FNDC1: variants seen among roughly 807,000 people sequenced by gnomAD.
FNDC1 encodes fibronectin type III domain-containing protein 1.
In FNDC1, 96 loss-of-function variants were observed where a neutral mutation model predicts 168.0. That is an observed-to-expected ratio of 0.57 (90% CI 0.48 to 0.68). The LOEUF (loss-of-function observed/expected upper bound fraction) is 0.68. Ranked by LOEUF, FNDC1 falls within the 30% of genes least tolerant of loss-of-function variation. The pLI is 0.00. For synonymous variants in FNDC1, 1,099 were observed against 1,025.9 expected, an observed-to-expected ratio of 1.07 and a Z score of -1.36; for missense variants, 2,587 against 2,482.1, an observed-to-expected ratio of 1.04 and a Z score of -0.90.
intron 12 of FNDC1, among the ~76,000 whole-genome samples, chr6:159,237,360 C>T (rs1196958923): frequency 4.6e-5 from 7 of 152,110 alleles, no homozygotes; most frequent in African/African-American, 7.2e-5. Flanking sequence ...ATACAAGTCT[C>T]GGGTAGGGCT....
intron 16 of FNDC1, among the ~76,000 whole-genome samples, chr6:159,250,899 A>G (rs944973088): frequency 5.9e-5 from 9 of 152,210 alleles, no homozygotes; most frequent in Non-Finnish European, 1.0e-4. Flanking sequence ...CCTGGTCCCA[A>G]GATAGTCAAG....
At chr6:159,205,564 A>C (rs1468171901) in intron 4 of FNDC1, among the ~76,000 whole-genome samples, 4 of 152,318 alleles carry the variant, frequency 2.6e-5, no homozygotes, top group Non-Finnish European at 4.4e-5. Context: ...AGCCATCAGC[A>C]ACTCCTGTCT....
chr6:159,185,790 C>A (rs1402486145), intron 1 of FNDC1, among the ~76,000 whole-genome samples: 1 of 152,178 alleles, frequency 6.6e-6, no homozygotes, highest in Non-Finnish European at 1.5e-5. Flanking sequence ...ATCATATGGC[C>A]ATCCTAGCTG....
chr6:159,226,721 T>C, intron 9 of FNDC1, 141 bp downstream of exon 9: 1 of 587,258 alleles, frequency 1.7e-6, no homozygotes. Flanking sequence ...GGATATTTCA[T>C]GCAAGATTTT....
intron 4 of FNDC1, among the ~76,000 whole-genome samples, chr6:159,203,016 G>T (rs1449960985): frequency 6.6e-6 from 1 of 152,148 alleles, no homozygotes. Flanking sequence ...CTTGTAGATG[G>T]TCACCTTTTT....
At chr6:159,228,252 A>C (rs1782997618) in intron 9 of FNDC1, among the ~76,000 whole-genome samples, 1 of 152,236 alleles carries the variant, frequency 6.6e-6, no homozygotes, top group Non-Finnish European at 1.5e-5. Flanking sequence ...GAACTCGCGT[A>C]TCTTAAGCCT....
In FNDC1 at chr6:159,234,435, G is replaced by A. The variant is rs565903076; in HGVS notation, c.3923G>A (p.Arg1308His). Residue 1308 changes from arginine to histidine, a missense_variant, in exon 11 of 23, where the codon CGT becomes CAT. By Grantham distance (29) the Arg-to-His change is conservative. Transcript: ENST00000297267. ...LRQRMMHARF[R>H]NPLSRQPARP... The stretch of plus-strand genomic sequence containing the variant: ...CAGAGGATGATGCATGCCAGATTCC[G>A]TAACCCTCTCTCCCGACAGCCTGCC... 58 of 1,613,588 alleles carry A rather than the reference G, an allele frequency of 3.6e-5. No homozygotes were observed. In the East Asian group the frequency reaches 7.8e-4, roughly 22 times the overall value.
In FNDC1 at chr6:159,233,316, A is replaced by T; in HGVS notation, c.2804A>T (p.Asp935Val). ...IPENPKSTGADTHPQGKYSSL... is the reference protein window; with the variant it reads ...IPENPKSTGAVTHPQGKYSSL... ...GAGAACCCCAAATCCACAGGGGCAG[A>T]TACACATCCTCAGGGCAAGTACTCC... The change falls in exon 11 of 23, where the codon GAT becomes GTT. Residue 935 changes from aspartate to valine, a missense_variant. Asp to Val is a radical substitution (Grantham distance 152). Transcript: ENST00000297267. The surrounding 1 kb of genome is among the most constrained non-coding windows in gnomAD (Gnocchi z 4.6). 1 of 1,613,942 alleles carries T rather than the reference A, an allele frequency of 6.2e-7. No individual in the cohort carries two copies. Among genetic ancestry groups the T allele is most frequent in the East Asian group, 2.2e-5 (1 of 44,860 alleles).
intron 12 of FNDC1, 107 bp from the exon 13 acceptor site, chr6:159,238,447 T>C (rs1783319184): frequency 1.4e-6 from 1 of 695,046 alleles, no homozygotes; most frequent in Non-Finnish European, 2.4e-6. Flanking sequence ...CTACTCACAT[T>C]ACGGTTTCCT....
intron 18 of FNDC1, among the ~76,000 whole-genome samples, chr6:159,258,357 T>C (rs1273562165): frequency 1.3e-5 from 2 of 152,270 alleles, no homozygotes; most frequent in East Asian, 1.9e-4. Flanking sequence ...TACATCATGC[T>C]TTGAGAGTAT....
chr6:159,252,535 G>A (rs1308938119), intron 17 of FNDC1, among the ~76,000 whole-genome samples: 3 of 152,232 alleles, frequency 2.0e-5, no homozygotes, highest in African/African-American at 7.2e-5. Flanking sequence ...AGGTGAGACT[G>A]AAGGGCGTGG....
chr6:159,185,757 A>C (rs745780131), intron 1 of FNDC1, among the ~76,000 whole-genome samples: 14 of 152,188 alleles, frequency 9.2e-5, no homozygotes, highest in Non-Finnish European at 1.8e-4. Flanking sequence ...GAACCTCCCT[A>C]TGTCTGTCAT....
chr6:159,175,495 T>C (rs1781743509), intron 1 of FNDC1, among the ~76,000 whole-genome samples: 1 of 152,230 alleles, frequency 6.6e-6, no homozygotes, highest in Non-Finnish European at 1.5e-5. Flanking sequence ...AACACTCACA[T>C]CTTTGATCTG....
At chr6:159,239,492 T>G in intron 13 of FNDC1, 25 bp from the exon 14 acceptor site, 3 of 1,549,050 alleles carry the variant, frequency 1.9e-6, no homozygotes, top group East Asian at 2.3e-5. Context: ...CCTTGTTGCA[T>G]AGCTATTGGT....
intron 1 of FNDC1, among the ~76,000 whole-genome samples, chr6:159,174,772 C>G (rs1781730346): frequency 6.6e-6 from 1 of 152,180 alleles, no homozygotes; most frequent in Non-Finnish European, 1.5e-5. Context: ...TGTTGGGGTG[C>G]CGCTGGTGCC....
intron 21 of FNDC1, 118 bp from the exon 22 acceptor site, chr6:159,267,686 C>A: frequency 1.9e-6 from 2 of 1,033,626 alleles, no homozygotes; most frequent in Non-Finnish European, 2.8e-6. Flanking sequence ...AAATACAGCA[C>A]ACACAGTTTA....
At chr6:159,182,951 A>AAT (rs1490454906) in intron 1 of FNDC1, among the ~76,000 whole-genome samples, 1 of 152,248 alleles carries the variant, frequency 6.6e-6, no homozygotes, top group African/African-American at 2.4e-5. Context: ...AATGAGGACC[A>AAT]AATGCCAGCT....
At position 159,171,898 on chromosome 6, in the gene FNDC1, A is replaced by G. The variant is rs73591226; in HGVS notation, c.109+2193A>G. Among the ~76,000 whole-genome samples the G allele has an allele frequency of 3.8e-3, 585 of 152,354 alleles. 4 individuals are homozygous for G. The highest frequency in any genetic ancestry group is 0.013 in the African/African-American group (555 of 41,588). On this transcript the variant is annotated intron_variant, in intron 1 of 22. Transcript: ENST00000297267. ...ATGTCAAAACTATTTTCAAAGTAATACTAAGATTACTAAGATGCTATTTTC... is the reference window on the plus strand; with the variant it reads ...ATGTCAAAACTATTTTCAAAGTAATGCTAAGATTACTAAGATGCTATTTTC...
In FNDC1 at chr6:159,233,620, C is replaced by A. The variant is rs1056841675; in HGVS notation, c.3108C>A (p.Thr1036=). 1 of 1,566,240 alleles carries A rather than the reference C, an allele frequency of 6.4e-7. No homozygotes were observed. Among genetic ancestry groups the A allele is most frequent in the Non-Finnish European group, 8.6e-7 (1 of 1,158,488 alleles). The change falls in exon 11 of 23, where the codon ACC becomes ACA. Residue 1036 remains threonine, a synonymous_variant. Coordinates refer to ENST00000297267, the MANE Select transcript of FNDC1 (RefSeq NM_032532.3). The surrounding 1 kb of genome is among the most constrained non-coding windows in gnomAD (Gnocchi z 4.6). ...RSPSQPRLSL[T]QAGRPRPTSQ... ...CTTCCCAGCCCAGGCTCTCACTGACCCAGGCCGGGCGGCCCCGCCCCACGT... is the reference window on the plus strand; with the variant it reads ...CTTCCCAGCCCAGGCTCTCACTGACACAGGCCGGGCGGCCCCGCCCCACGT...
Sources: gnomAD v4.1 joint callset for allele counts (sites outside exome capture counted in the v4.1 genomes callset) on GRCh38, gnomAD v4.1.1 for gene constraint, Gnocchi (gnomAD v3.1) non-coding constraint, MANE v1.5 for transcripts, NCBI Gene and HGNC (gene_info 2026-07-23, HGNC 2026-07-21) for gene names.